Variants in DLGAP2 observed in about 807,000 individuals in gnomAD.
The protein encoded by DLGAP2 is DLG associated protein 2.
DLGAP2 carries 26 observed loss-of-function variants against 100.3 expected under a neutral mutation model. The observed-to-expected ratio is 0.26, with a 90% CI of 0.19 to 0.36. The LOEUF (loss-of-function observed/expected upper bound fraction) is 0.36. Among genes scored for constraint, DLGAP2 ranks in the 10% least tolerant of loss-of-function variants. DLGAP2 has a pLI of 1.00. For synonymous variants in DLGAP2, 886 were observed against 630.1 expected (o/e 1.41, Z -6.08); for missense variants, 1,858 against 1,453.2 (o/e 1.28, Z -4.53).
intron 3 of DLGAP2, among the ~76,000 whole-genome samples, chr8:1,460,046 C>G (rs544352317): frequency 1.3e-5 from 2 of 152,274 alleles, no homozygotes; most frequent in East Asian, 3.9e-4. Context: ...GACAGAGGGA[C>G]CATGAGAACA....
chr8:1,106,203 A>G (rs548604237), intron 2 of DLGAP2, among the ~76,000 whole-genome samples: 1 of 144,858 alleles, frequency 6.9e-6, no homozygotes, highest in South Asian at 2.3e-4. Context: ...GAAGGGAGCC[A>G]TTCTAGGAGG....
intron 3 of DLGAP2, among the ~76,000 whole-genome samples, chr8:1,285,546 A>G (rs1490914777): frequency 6.6e-6 from 1 of 152,164 alleles, no homozygotes. Flanking sequence ...ATAATAGTCC[A>G]CTGCCCACGT....
At chr8:1,460,817 A>G (rs1798450725) in intron 3 of DLGAP2, among the ~76,000 whole-genome samples, 1 of 152,232 alleles carries the variant, frequency 6.6e-6, no homozygotes, top group Non-Finnish European at 1.5e-5. Context: ...AGACTGCAAT[A>G]TACAAACCTG....
chr8:1,329,623 C>T (rs1801103058), intron 3 of DLGAP2, among the ~76,000 whole-genome samples: 1 of 152,012 alleles, frequency 6.6e-6, no homozygotes, highest in Admixed American at 6.5e-5. Flanking sequence ...CCTGGGGTAG[C>T]CGAGGGGAAT....
chr8:1,176,195 G>A (rs543194128), intron 2 of DLGAP2, among the ~76,000 whole-genome samples: 12 of 145,782 alleles, frequency 8.2e-5, no homozygotes, highest in Middle Eastern at 4.1e-3. Flanking sequence ...GTTACATGGC[G>A]GTAGGTGAGA....
chr8:1,417,889 T>C (rs76838841), intron 3 of DLGAP2, among the ~76,000 whole-genome samples: 3,971 of 152,288 alleles, frequency 0.026, 184 homozygotes, highest in African/African-American at 0.088. Context: ...AAAAGTGCAG[T>C]TCCAGGAGCC....
intron 3 of DLGAP2, among the ~76,000 whole-genome samples, chr8:1,355,399 C>T (rs537663367): frequency 7.4e-4 from 112 of 152,300 alleles, no homozygotes; most frequent in African/African-American, 2.6e-3. Context: ...GAGTCTCGCT[C>T]TGTCACCCAG....
At chr8:1,332,168 T>C (rs1401748097) in intron 3 of DLGAP2, among the ~76,000 whole-genome samples, 4 of 152,094 alleles carry the variant, frequency 2.6e-5, no homozygotes, top group Non-Finnish European at 4.4e-5. Flanking sequence ...AGTGTGTGTG[T>C]GCGAATGTGA....
At chr8:1,416,841 T>G (rs1796899373) in intron 3 of DLGAP2, among the ~76,000 whole-genome samples, 1 of 152,210 alleles carries the variant, frequency 6.6e-6, no homozygotes, top group African/African-American at 2.4e-5. Context: ...AGACATTTGT[T>G]GCAAAGCGTG....
At chr8:1,625,999 C>T (rs964702357) in intron 6 of DLGAP2, among the ~76,000 whole-genome samples, 16 of 148,448 alleles carry the variant, frequency 1.1e-4, no homozygotes, top group African/African-American at 2.8e-4. Flanking sequence ...GTGGGTTGGA[C>T]GGCTGTTCCC....
At chr8:787,679 TG>T (rs1460117224) in intron 1 of DLGAP2, among the ~76,000 whole-genome samples, 1 of 152,184 alleles carries the variant, frequency 6.6e-6, no homozygotes, top group Non-Finnish European at 1.5e-5. Context: ...CGGGCCCCCT[TG>T]CCAAATGGCT....
intron 3 of DLGAP2, among the ~76,000 whole-genome samples, chr8:1,304,442 A>G (rs1280394157): frequency 1.3e-5 from 2 of 152,192 alleles, no homozygotes; most frequent in Non-Finnish European, 2.9e-5. Context: ...AAAAATGACA[A>G]CCCACATGTA....
At chr8:1,487,730 A>C (rs1799266591) in intron 3 of DLGAP2, among the ~76,000 whole-genome samples, 1 of 152,176 alleles carries the variant, frequency 6.6e-6, no homozygotes, top group South Asian at 2.1e-4. Flanking sequence ...CCACCTGTGC[A>C]CTGCTGCGTC....
intron 1 of DLGAP2, among the ~76,000 whole-genome samples, chr8:741,064 C>T (rs910318281): frequency 1.3e-5 from 2 of 152,190 alleles, no homozygotes; most frequent in Admixed American, 6.5e-5. Context: ...GTTTTACCAA[C>T]TAGTTTTCAT....
intron 3 of DLGAP2, among the ~76,000 whole-genome samples, chr8:1,478,049 G>T (rs1393826230): frequency 4.6e-5 from 7 of 152,350 alleles, no homozygotes; most frequent in African/African-American, 1.7e-4. Flanking sequence ...AGGGGTAAAT[G>T]TGACCTTCAG....
chr8:932,004 T>G (rs1034866412), intron 2 of DLGAP2, among the ~76,000 whole-genome samples: 6 of 152,198 alleles, frequency 3.9e-5, no homozygotes, highest in Admixed American at 3.9e-4. Context: ...ATCTTTCTTT[T>G]ATTTGAGGAA....
chr8:1,429,350 T>C (rs988520410), intron 3 of DLGAP2, among the ~76,000 whole-genome samples: 12 of 152,162 alleles, frequency 7.9e-5, no homozygotes, highest in African/African-American at 1.4e-4. Context: ...TCCCAGCCCA[T>C]TGGCCTCCGA....
chr8:772,998 G>A (rs1222324453), intron 1 of DLGAP2, among the ~76,000 whole-genome samples: 3 of 152,210 alleles, frequency 2.0e-5, no homozygotes, highest in African/African-American at 7.2e-5. Context: ...CTCTGTAACA[G>A]TAGGATGGCA....
At chr8:1,252,440 T>C (rs1413154174) in intron 2 of DLGAP2, among the ~76,000 whole-genome samples, 1 of 151,858 alleles carries the variant, frequency 6.6e-6, no homozygotes, top group Non-Finnish European at 1.5e-5. Context: ...GCCACACTTG[T>C]CACACTGTGG....
Sources: allele counts gnomAD v4.1 joint callset (sites outside exome capture counted in the v4.1 genomes callset), GRCh38; gene constraint gnomAD v4.1.1; transcripts MANE v1.5; gene names NCBI Gene and HGNC (gene_info 2026-07-23, HGNC 2026-07-21).